Variants in DIAPH2 observed in about 807,000 individuals in gnomAD.
DIAPH2 encodes diaphanous related formin 2, also known as protein diaphanous homolog 2.
A neutral mutation model predicts 92.7 loss-of-function variants in DIAPH2; 35 were observed. The observed-to-expected ratio is 0.38, with a 90% confidence interval of 0.29 to 0.50. The LOEUF (loss-of-function observed/expected upper bound fraction) is 0.50. Among genes scored for constraint, DIAPH2 ranks in the 20% least tolerant of loss-of-function variants. DIAPH2 has a pLI of 0.94. For missense variants in DIAPH2, 701 were observed against 819.5 expected, an observed-to-expected ratio of 0.86 and a Z score of 1.77; for synonymous variants, 301 against 280.4, an observed-to-expected ratio of 1.07 and a Z score of -0.73.
chrX:97,295,599 T>G (rs1314142171), intron 23 of DIAPH2, among the ~76,000 whole-genome samples: 1 of 111,696 alleles, frequency 9.0e-6, no homozygotes, highest in Non-Finnish European at 1.9e-5. Context: ...ACAGAGAAAT[T>G]AGGGACCTTC....
chrX:97,188,193 G>A (rs7884455), intron 22 of DIAPH2, among the ~76,000 whole-genome samples: 4,947 of 111,782 alleles, frequency 0.044, 96 homozygotes, highest in African/African-American at 0.056. Context: ...AGAAAAGGAG[G>A]ATAACCAAAA....
intron 5 of DIAPH2, among the ~76,000 whole-genome samples, 199 bp downstream of exon 5, chrX:96,881,917 A>G (rs2065215677): frequency 1.8e-5 from 2 of 112,055 alleles, no homozygotes; most frequent in Middle Eastern, 4.6e-3. Flanking sequence ...GTAATGTACA[A>G]TTTTAAGAAT....
chrX:96,820,245 G>A (rs182214368), intron 4 of DIAPH2, among the ~76,000 whole-genome samples: 91 of 112,344 alleles, frequency 8.1e-4, no homozygotes, highest in East Asian at 7.9e-3. Flanking sequence ...CGAGGCAGGC[G>A]GATCATTTGA....
chrX:96,797,141 A>G (rs2064546269), intron 4 of DIAPH2, among the ~76,000 whole-genome samples: 1 of 111,630 alleles, frequency 9.0e-6, no homozygotes, highest in African/African-American at 3.3e-5. Flanking sequence ...AGAAATTTAA[A>G]GATTTCATCC....
At chrX:97,072,382 C>T (rs1371414564) in intron 17 of DIAPH2, among the ~76,000 whole-genome samples, 1 of 112,572 alleles carries the variant, frequency 8.9e-6, no homozygotes, top group Non-Finnish European at 1.9e-5. Flanking sequence ...CAAAAGAACA[C>T]ATTGCTGAGT....
chrX:96,881,231 A>G (rs764134132), intron 4 of DIAPH2, among the ~76,000 whole-genome samples: 3 of 111,605 alleles, frequency 2.7e-5, no homozygotes, highest in Non-Finnish European at 5.6e-5. Flanking sequence ...AATTAATAAG[A>G]TGATTTTTGA....
In DIAPH2 at chrX:96,918,614, A is replaced by G. The variant is rs368257011; in HGVS notation, c.975A>G (p.Leu325=). 8.6e-7 allele frequency: 1 copy of G among 1,163,796 alleles called. No homozygotes were observed. Among genetic ancestry groups the G allele is most frequent in the Non-Finnish European group, 1.2e-6 (1 of 856,396 alleles). The change falls in exon 9 of 27, where the codon TTA becomes TTG. Residue 325 remains leucine, a synonymous_variant. Transcript: ENST00000324765. The stretch of plus-strand genomic sequence containing the variant: ...TAGAAAATCAGGAAGCCTTGCAATT[A>G]CAGGTGAGTTAGTTTTGTCTTAAAT... The part of the protein sequence containing the change: ...EGLENQEALQ[L]QVACMQFINA...
At chrX:97,037,907 C>T (rs141251784) in intron 17 of DIAPH2, among the ~76,000 whole-genome samples, 4,447 of 111,031 alleles carry the variant, frequency 0.04, 228 homozygotes, top group African/African-American at 0.14. Flanking sequence ...TTGGATTACA[C>T]GGATGAATTA....
chrX:96,980,998 CAAAA>C (rs1204120424), intron 17 of DIAPH2, among the ~76,000 whole-genome samples: 1 of 45,526 alleles, frequency 2.2e-5, no homozygotes, highest in Admixed American at 2.8e-4. Flanking sequence ...CCATCTCTAC[CAAAA>C]AAAAAAAAAA....
chrX:97,455,049 G>A (rs2070392155), intron 26 of DIAPH2, among the ~76,000 whole-genome samples: 1 of 111,420 alleles, frequency 9.0e-6, no homozygotes, highest in Admixed American at 9.5e-5. Context: ...TCAATAGATT[G>A]TCCTTACGGA....
chrX:97,280,133 T>G (rs964814328), intron 23 of DIAPH2, among the ~76,000 whole-genome samples: 1 of 110,785 alleles, frequency 9.0e-6, no homozygotes, highest in Non-Finnish European at 1.9e-5. Context: ...CAGATAAGAG[T>G]TACATCACAG....
chrX:96,813,929 C>T (rs1047637230), intron 4 of DIAPH2, among the ~76,000 whole-genome samples: 45 of 111,720 alleles, frequency 4.0e-4, no homozygotes, highest in Non-Finnish European at 7.0e-4. Flanking sequence ...GTGGGTAACC[C>T]AACCTTTCTC....
intron 4 of DIAPH2, among the ~76,000 whole-genome samples, chrX:96,805,265 A>G (rs75713563): frequency 0.1 from 11,228 of 110,325 alleles, 541 homozygotes; most frequent in East Asian, 0.32. Flanking sequence ...TCATAGGTGT[A>G]AGTGCTATCC....
chrX:97,290,308 T>G (rs1415371257), intron 23 of DIAPH2, among the ~76,000 whole-genome samples: 1 of 111,151 alleles, frequency 9.0e-6, no homozygotes, highest in Non-Finnish European at 1.9e-5. Context: ...TGAAAGAGCA[T>G]AAGACATTTA....
At chrX:96,927,489 T>G (rs982074133) in intron 9 of DIAPH2, among the ~76,000 whole-genome samples, 1 of 110,812 alleles carries the variant, frequency 9.0e-6, no homozygotes, top group African/African-American at 3.3e-5. Flanking sequence ...AAATCTCCAG[T>G]GTAGTGCTAT....
At chrX:97,533,261 C>G (rs1043660345) in intron 26 of DIAPH2, 1 of 111,333 alleles carries the variant, frequency 9.0e-6, no homozygotes, top group African/African-American at 3.3e-5. Flanking sequence ...TGTAATACTT[C>G]CATCTAATCA....
chrX:97,520,153 C>T (rs886626953), intron 26 of DIAPH2, among the ~76,000 whole-genome samples: 11 of 112,489 alleles, frequency 9.8e-5, no homozygotes, highest in African/African-American at 3.5e-4. Context: ...TTAATCTTTG[C>T]TATTCTTAGA....
intron 26 of DIAPH2, among the ~76,000 whole-genome samples, chrX:97,590,348 G>C (rs1193198453): frequency 8.9e-6 from 1 of 111,805 alleles, no homozygotes; most frequent in Admixed American, 9.5e-5. Flanking sequence ...CCAGACCCAA[G>C]AGATGGGTTG....
At chrX:97,598,662 G>A (rs952162839) in intron 26 of DIAPH2, among the ~76,000 whole-genome samples, 7 of 111,381 alleles carry the variant, frequency 6.3e-5, no homozygotes, top group African/African-American at 2.3e-4. Flanking sequence ...TATTCTTCCT[G>A]TGATGGGTGG....
Sources: gnomAD v4.1 joint callset for allele counts (sites outside exome capture counted in the v4.1 genomes callset) on GRCh38, gnomAD v4.1.1 for gene constraint, MANE v1.5 for transcripts, NCBI Gene and HGNC (gene_info 2026-07-23, HGNC 2026-07-21) for gene names.